Variants in ZNF521 observed in about 807,000 individuals in gnomAD.
ZNF521 encodes the protein LYST-interacting protein 3.
A neutral mutation model predicts 105.5 loss-of-function variants in ZNF521; 14 were observed. That is an observed-to-expected ratio of 0.13 (90% confidence interval 0.09 to 0.21). ZNF521 has a LOEUF of 0.21. Ranked by LOEUF, ZNF521 falls within the 10% of genes least tolerant of loss-of-function variation. The pLI is 1.00. For missense variants in ZNF521, 1,233 were observed against 1,629.7 expected (o/e 0.76, Z 4.19); for synonymous variants, 635 against 606.0 (o/e 1.05, Z -0.70).
intron 4 of ZNF521, chr18:25,200,873 C>T (rs2035980106): frequency 6.6e-6 from 1 of 151,950 alleles, no homozygotes; most frequent in Non-Finnish European, 1.5e-5. Context: ...TCACTCTTTT[C>T]AGTGGAAATC....
chr18:25,127,304 G>A (rs1218712334), intron 5 of ZNF521, among the ~76,000 whole-genome samples: 2 of 151,882 alleles, frequency 1.3e-5, no homozygotes, highest in Non-Finnish European at 2.9e-5. Context: ...ATACAGAGTG[G>A]GATAAAGAGG....
intron 3 of ZNF521, among the ~76,000 whole-genome samples, chr18:25,276,813 T>C (rs1910060496): frequency 6.6e-6 from 1 of 152,218 alleles, no homozygotes; most frequent in Non-Finnish European, 1.5e-5. Flanking sequence ...ATTTTACCTT[T>C]AACAAAACAC....
At chr18:25,211,763 A>G (rs974871693) in intron 4 of ZNF521, among the ~76,000 whole-genome samples, 1 of 152,178 alleles carries the variant, frequency 6.6e-6, no homozygotes, top group African/African-American at 2.4e-5. Flanking sequence ...TGTGATTTAT[A>G]TTGTGTGGGC....
At chr18:25,276,612 T>C (rs1297877569) in intron 3 of ZNF521, among the ~76,000 whole-genome samples, 2 of 152,206 alleles carry the variant, frequency 1.3e-5, no homozygotes, top group Non-Finnish European at 2.9e-5. Context: ...GCATAATGCA[T>C]TAATGCTGCC....
intron 3 of ZNF521, chr18:25,231,541 T>G (rs994144749): frequency 6.6e-6 from 1 of 152,264 alleles, no homozygotes; most frequent in South Asian, 2.1e-4. Flanking sequence ...GGACGTGATT[T>G]GATCCTAGCT....
chr18:25,351,986 C>T lies in ZNF521; in HGVS notation c.-2+19G>A, dbSNP rs750080430. 1 of 431,886 alleles carries T rather than the reference C, an allele frequency of 2.3e-6. No homozygotes were observed. The highest frequency in any genetic ancestry group is 4.7e-6 in the Non-Finnish European group (1 of 212,062). 26.8% of individuals were successfully genotyped at this position (431,886 alleles called of 1,614,324 possible). Reference sequence around the variant, plus strand: ...AGGAGGAGAAGGAGTGTGCTGTGTGCTCCCTCCTCATCACAAACCTGCAAG... The same window carrying T: ...AGGAGGAGAAGGAGTGTGCTGTGTGTTCCCTCCTCATCACAAACCTGCAAG... On this transcript the variant is annotated intron_variant, in intron 1 of 7. Transcript: ENST00000361524.
rs1461423035 is a variant in ZNF521 at position 25,321,997 on chromosome 18, G to A, written c.220+11C>T. 4.3e-6 allele frequency: 7 copies of A among 1,612,292 alleles called. No homozygotes were observed. Among genetic ancestry groups the A allele is most frequent in the South Asian group, 2.2e-5 (2 of 90,764 alleles). On this transcript the variant is annotated intron_variant, in intron 3 of 7. Coordinates refer to ENST00000361524, the MANE Select transcript of ZNF521 (RefSeq NM_015461.3). Reference sequence around the variant, plus strand: ...GTACAAGAAGACAAAAAAGTGATAAGTATTGTTTACCTGTCAGTTGACATT... The same window carrying A: ...GTACAAGAAGACAAAAAAGTGATAAATATTGTTTACCTGTCAGTTGACATT...
At chr18:25,287,217 T>C (rs1423180827) in intron 3 of ZNF521, among the ~76,000 whole-genome samples, 1 of 152,222 alleles carries the variant, frequency 6.6e-6, no homozygotes, top group Non-Finnish European at 1.5e-5. Context: ...CTGAGGAAAC[T>C]GACTCCGTAA....
At chr18:25,118,190 A>G (rs928694951) in intron 5 of ZNF521, among the ~76,000 whole-genome samples, 1 of 152,018 alleles carries the variant, frequency 6.6e-6, no homozygotes, top group Non-Finnish European at 1.5e-5. Context: ...TTTATATCCA[A>G]TAAAGAATAT....
rs201171934 is a variant in ZNF521, at chr18:25,194,434, CAT to C, written c.3658+724_3658+725del. On this transcript the variant is annotated intron_variant, in intron 5 of 7. Coordinates refer to ENST00000361524, the MANE Select transcript of ZNF521 (RefSeq NM_015461.3). Reference sequence around the variant, plus strand: ...ACTAAATGCTTATCAAATTAAAAAACATAGGCAGTAATCCATGAGGAATTAAG... The same window carrying C: ...ACTAAATGCTTATCAAATTAAAAAACAGGCAGTAATCCATGAGGAATTAAG... 6.2e-3 allele frequency among the ~76,000 whole-genome samples: 942 copies of C among 151,634 alleles called. 9 individuals are homozygous for C. Among genetic ancestry groups the C allele is most frequent in the Non-Finnish European group, 6.5e-3 (441 of 67,674 alleles).
intron 5 of ZNF521, among the ~76,000 whole-genome samples, chr18:25,116,881 AT>A (rs2034316874): frequency 3.8e-5 from 2 of 52,332 alleles, no homozygotes; most frequent in South Asian, 9.1e-4. Context: ...GTATATATAT[AT>A]ATATACGTAT....
chr18:25,280,098 T>A (rs1600250614), intron 3 of ZNF521, among the ~76,000 whole-genome samples: 1 of 152,238 alleles, frequency 6.6e-6, no homozygotes, highest in Admixed American at 6.5e-5. Flanking sequence ...TTGGAGAACG[T>A]CACACTCCAT....
chr18:25,166,473 A>G lies in ZNF521; in HGVS notation c.3658+28687T>C, dbSNP rs183769376. ...TAGGATATATTTCTGGTTCTAGATC[A>G]TTATGCCTGCACATTAAAAAGATTG... On this transcript the variant is annotated intron_variant, in intron 5 of 7. Transcript: ENST00000361524. 5.7e-3 allele frequency among the ~76,000 whole-genome samples: 869 copies of G among 152,316 alleles called. 10 individuals are homozygous for G. The highest frequency in any genetic ancestry group is 0.02 in the African/African-American group (832 of 41,560).
chr18:25,068,298 C>T (rs201394866), intron 7 of ZNF521, among the ~76,000 whole-genome samples: 6 of 152,298 alleles, frequency 3.9e-5, no homozygotes, highest in East Asian at 3.9e-4. Flanking sequence ...CACAAACATC[C>T]GTAATCAATC....
At position 25,225,953 on chromosome 18, in the gene ZNF521, A is replaced by G; in HGVS notation, c.1965T>C (p.Thr655=). Residue 655 remains threonine, a synonymous_variant, in exon 4 of 8, where the codon ACT becomes ACC. Coordinates refer to ENST00000361524, the MANE Select transcript of ZNF521 (RefSeq NM_015461.3). This position sits in a 1 kb window ranked among gnomAD's most constrained non-coding sequence, Gnocchi z 5.6. ...SLDSFQTHLK[T]HLDTVLPKLT... is the part of the protein sequence containing the mutation. ...ATTTTGGAAGCACAGTGTCGAGATGAGTTTTTAGGTGAGTCTGAAAGCTGT... is the reference window on the plus strand; with the variant it reads ...ATTTTGGAAGCACAGTGTCGAGATGGGTTTTTAGGTGAGTCTGAAAGCTGT... 2 of 1,614,114 alleles carry G rather than the reference A, an allele frequency of 1.2e-6. No individual in the cohort carries two copies. The highest frequency in any genetic ancestry group is 2.2e-5 in the South Asian group (2 of 91,082).
At chr18:25,201,872 CTACATCT>C (rs1348432042) in intron 4 of ZNF521, 1 of 152,056 alleles carries the variant, frequency 6.6e-6, no homozygotes, top group Non-Finnish European at 1.5e-5. Flanking sequence ...ATAATAAAAC[CTACATCT>C]TAGAGTCGAT....
At chr18:25,236,293 T>C (rs1906884847) in intron 3 of ZNF521, among the ~76,000 whole-genome samples, 1 of 152,150 alleles carries the variant, frequency 6.6e-6, no homozygotes, top group Non-Finnish European at 1.5e-5. Flanking sequence ...CCCAGCACTT[T>C]GGGAGGCTGA....
At chr18:25,324,398 C>CA (rs34574068) in intron 2 of ZNF521, among the ~76,000 whole-genome samples, 4,301 of 116,348 alleles carry the variant, frequency 0.037, 72 homozygotes, top group Middle Eastern at 0.038. Context: ...GCAACAGATG[C>CA]AAAAAAAAAA....
At chr18:25,311,383 T>TA (rs34665703) in intron 3 of ZNF521, among the ~76,000 whole-genome samples, 69,653 of 137,508 alleles carry the variant, frequency 0.51, 16,870 homozygotes, top group Admixed American at 0.55. Flanking sequence ...AGCAAAAATG[T>TA]AAAAAAAAAA....
Sources: allele counts gnomAD v4.1 joint callset (sites outside exome capture counted in the v4.1 genomes callset), GRCh38; gene constraint gnomAD v4.1.1; non-coding constraint Gnocchi (gnomAD v3.1); transcripts MANE v1.5; gene names NCBI Gene and HGNC (gene_info 2026-07-23, HGNC 2026-07-21).